Variants in KHK observed in about 807,000 individuals in gnomAD.
The protein encoded by KHK is fructokinase.
A neutral mutation model predicts 36.0 loss-of-function variants in KHK; 37 were observed. The ratio of observed to expected loss-of-function variants is 1.03; its 90% CI spans 0.79 to 1.35. The LOEUF (loss-of-function observed/expected upper bound fraction) is 1.35. KHK is among the 40% of genes most tolerant of loss of function. The probability of loss-of-function intolerance (pLI) is 0.00; values close to 1 mark genes in which losing one functional copy is unlikely to be tolerated. For synonymous variants in KHK, 161 were observed against 162.8 expected, an observed-to-expected ratio of 0.99 and a Z score of 0.08; for missense variants, 395 against 391.9, an observed-to-expected ratio of 1.01 and a Z score of -0.07.
chr2:27,092,494 ATTGTGGGAGAAGAAGGATGTATCCACCCT>A (rs1670078686), intron 2 of KHK, 46 bp downstream of exon 2: 1 of 1,371,070 alleles, frequency 7.3e-7, no homozygotes, highest in Non-Finnish European at 1.0e-6. Context: ...TGCCTGCATC[ATTGTGGGAGAAGAAGGATGTATCCACCCT>A]GGGTGGATGG....
At position 27,087,136 on chromosome 2, in the gene KHK, G is replaced by C; in HGVS notation, c.-124G>C. The C allele has an allele frequency of 1.3e-6, 1 of 771,766 alleles. No homozygotes were observed. The highest frequency in any genetic ancestry group is 1.7e-5 in the African/African-American group (1 of 57,538). The allele number at this position is 771,766 out of a possible 1,614,324, so 47.8% of individuals were successfully genotyped here. On this transcript the variant is annotated 5_prime_UTR_variant, in exon 1 of 8. Transcript: ENST00000260598. ...CCGCTGCAGGTGGCTCCCTGGAGGA[G>C]GAGCTCCCACGCGGAGGAGGAGCCA...
chr2:27,099,392 C>T (rs1670638311), intron 6 of KHK, 28 bp from the exon 7 acceptor site: 5 of 1,612,248 alleles, frequency 3.1e-6, no homozygotes, highest in Non-Finnish European at 4.2e-6. Context: ...GGTGGGCTAA[C>T]ACCCAGCTGA....
intron 1 of KHK, among the ~76,000 whole-genome samples, chr2:27,088,607 C>T (rs1669807269): frequency 6.6e-6 from 1 of 151,874 alleles, no homozygotes; most frequent in Non-Finnish European, 1.5e-5. Flanking sequence ...AGAGACAGGG[C>T]TTTTCTTTGT....
At position 27,092,348 on chromosome 2, in the gene KHK, T is replaced by A. The variant is rs966430858; in HGVS notation, c.109T>A (p.Trp37Arg). The A allele has an allele frequency of 1.2e-6, 2 of 1,612,970 alleles. No individual in the cohort carries two copies. Among genetic ancestry groups the A allele is most frequent in the Non-Finnish European group, 1.7e-6 (2 of 1,179,966 alleles). Residue 37 changes from tryptophan to arginine, a missense_variant, in exon 2 of 8, where the codon TGG becomes AGG. Transcript: ENST00000260598. ...GCTTTGCAGGTGTTTGTCCCAGAGA[T>A]GGCAGCGCGGAGGCAACGCGTCCAA... ...DSEIRCLSQRWQRGGNASNSC... is the reference protein window; with the variant it reads ...DSEIRCLSQRRQRGGNASNSC...
chr2:27,095,514 G>A (rs1462872555), intron 3 of KHK, among the ~76,000 whole-genome samples: 1 of 152,242 alleles, frequency 6.6e-6, no homozygotes, highest in African/African-American at 2.4e-5. Context: ...CAGCAGATCA[G>A]GGTCATCTAA....
intron 1 of KHK, among the ~76,000 whole-genome samples, chr2:27,091,829 G>C (rs1165827944): frequency 6.6e-6 from 1 of 152,156 alleles, no homozygotes; most frequent in East Asian, 1.9e-4. Flanking sequence ...TGTCTTACTC[G>C]TTTGATTTTA....
intron 1 of KHK, among the ~76,000 whole-genome samples, chr2:27,091,794 C>T (rs938578137): frequency 2.0e-5 from 3 of 152,194 alleles, no homozygotes; most frequent in South Asian, 2.1e-4. Context: ...ACTTCTTAAA[C>T]GACCAACGTC....
At position 27,099,302 on chromosome 2, in the gene KHK, G is replaced by C; in HGVS notation, c.653+18G>C. 2 of 1,613,966 alleles carry C rather than the reference G, an allele frequency of 1.2e-6. No individual in the cohort carries two copies. Among genetic ancestry groups the C allele is most frequent in the Non-Finnish European group, 1.7e-6 (2 of 1,179,880 alleles). On this transcript the variant is annotated intron_variant, in intron 6 of 7. Coordinates refer to ENST00000260598, the MANE Select transcript of KHK (RefSeq NM_006488.3). Reference sequence around the variant, plus strand: ...AGGAAAGGGTGAGCCGGGGAAGCCAGGAAGGGGCTTTAGAAGGTACAGGAT... The same window carrying C: ...AGGAAAGGGTGAGCCGGGGAAGCCACGAAGGGGCTTTAGAAGGTACAGGAT...
Position 27,099,541 on chromosome 2 carries a change from A to G in KHK, c.775A>G (p.Thr259Ala). The G allele has an allele frequency of 6.2e-7, 1 of 1,614,120 alleles. No homozygotes were observed. The highest frequency in any genetic ancestry group is 8.5e-7 in the Non-Finnish European group (1 of 1,180,004). The change falls in exon 7 of 8, where the codon ACC becomes GCC. Residue 259 changes from threonine to alanine, a missense_variant. By Grantham distance (58) the Thr-to-Ala change is moderately conservative. Coordinates refer to ENST00000260598, the MANE Select transcript of KHK (RefSeq NM_006488.3). ...RVVDTLGAGDTFNASVIFSLS... is the reference protein window; with the variant it reads ...RVVDTLGAGDAFNASVIFSLS... ...GGTGGATACACTGGGAGCTGGAGAC[A>G]CCTTCAATGCCTCCGTCATCTTCAG...
chr2:27,092,278 C>T, intron 1 of KHK, 54 bp from the exon 2 acceptor site: 1 of 1,355,976 alleles, frequency 7.4e-7, no homozygotes, highest in Non-Finnish European at 1.1e-6. Context: ...ATACAGGAGA[C>T]TGTGCTTGGG....
At position 27,087,199 on chromosome 2, in the gene KHK, G is replaced by C; in HGVS notation, c.-61G>C. ...GCGGGGACACCATCCTCCTGGATAAGAGGCAGAGGCCGGGAGGAACCCCGT... is the reference window on the plus strand; with the variant it reads ...GCGGGGACACCATCCTCCTGGATAACAGGCAGAGGCCGGGAGGAACCCCGT... On this transcript the variant is annotated 5_prime_UTR_variant, in exon 1 of 8. Transcript: ENST00000260598. The C allele has an allele frequency of 7.2e-7, 1 of 1,397,314 alleles. No individual in the cohort carries two copies. Among genetic ancestry groups the C allele is most frequent in the South Asian group, 1.2e-5 (1 of 80,902 alleles). 86.6% of individuals were successfully genotyped at this position (1,397,314 alleles called of 1,614,324 possible). A position where few individuals can be genotyped will look rare whatever the true frequency, so the allele number is the denominator to read the frequency against.
At chr2:27,099,626 C>T (rs918025823) in intron 7 of KHK, 39 bp from the exon 8 acceptor site, 1 of 1,614,126 alleles carries the variant, frequency 6.2e-7, no homozygotes, top group Non-Finnish European at 8.5e-7. Context: ...GTCCCTGCCC[C>T]AAACACCTGG....
intron 1 of KHK, among the ~76,000 whole-genome samples, chr2:27,090,638 A>G (rs1669943701): frequency 6.6e-6 from 1 of 151,594 alleles, no homozygotes; most frequent in East Asian, 2.0e-4. Flanking sequence ...TATTTTTAGT[A>G]GAGACAGGGT....
At position 27,097,646 on chromosome 2, in the gene KHK, C is replaced by A; in HGVS notation, c.561C>A (p.Asp187Glu). ...TCTTCCAGCTGTTTGGCTACGGAGA[C>A]GTGGTGGGTGCCCCATTCAGCCTCT... ...EELFQLFGYG[D>E]VVFVSKDVAK... The change falls in exon 5 of 8, where the codon GAC becomes GAA. Residue 187 changes from aspartate to glutamate, a missense_variant. Transcript: ENST00000260598. 1 of 1,613,988 alleles carries A rather than the reference C, an allele frequency of 6.2e-7. No homozygotes were observed. Among genetic ancestry groups the A allele is most frequent in the Non-Finnish European group, 8.5e-7 (1 of 1,180,020 alleles).
intron 2 of KHK, 45 bp from the exon 3 acceptor site, chr2:27,094,755 A>C (rs749532793): frequency 3.7e-6 from 6 of 1,613,738 alleles, no homozygotes; most frequent in Middle Eastern, 1.6e-4. Flanking sequence ...CCAGGCTCTA[A>C]TCTGTGTCTC....
At chr2:27,099,371 TG>T (rs1307998365) in intron 6 of KHK, 48 bp from the exon 7 acceptor site, 1 of 1,612,156 alleles carries the variant, frequency 6.2e-7, no homozygotes, top group Non-Finnish European at 8.5e-7. Context: ...GGAGGATGGC[TG>T]GGGGGACGGG....
At position 27,092,340 on chromosome 2, in the gene KHK, C is replaced by A. The variant is rs746381366; in HGVS notation, c.101C>A (p.Ser34Tyr). The A allele has an allele frequency of 1.4e-5, 23 of 1,612,720 alleles. No homozygotes were observed. Among genetic ancestry groups the A allele is most frequent in the Non-Finnish European group, 1.9e-5 (22 of 1,179,836 alleles). Residue 34 changes from serine to tyrosine, a missense_variant, in exon 2 of 8, where the codon TCC becomes TAC. Coordinates refer to ENST00000260598, the MANE Select transcript of KHK (RefSeq NM_006488.3). ...CTCCCTGTGCTTTGCAGGTGTTTGTCCCAGAGATGGCAGCGCGGAGGCAAC... is the reference window on the plus strand; with the variant it reads ...CTCCCTGTGCTTTGCAGGTGTTTGTACCAGAGATGGCAGCGCGGAGGCAAC... ...PKEDSEIRCL[S>Y]QRWQRGGNAS...
chr2:27,087,419 G>A (rs1353770930), intron 1 of KHK, 68 bp downstream of exon 1: 5 of 1,263,408 alleles, frequency 4.0e-6, no homozygotes, highest in Middle Eastern at 2.0e-4. Context: ...GCCAGCGACC[G>A]AGGCTGCAGA....
Position 27,087,219 on chromosome 2 carries a change from C to T in KHK, c.-41C>T, listed in dbSNP as rs769898785. The T allele has an allele frequency of 2.6e-6, 4 of 1,521,082 alleles. No individual in the cohort carries two copies. The East Asian group carries it at 9.7e-5, about 37-fold the overall frequency. The allele number at this position is 1,521,082 out of a possible 1,614,324, so 94.2% of individuals were successfully genotyped here. On this transcript the variant is annotated 5_prime_UTR_variant, in exon 1 of 8. Coordinates refer to ENST00000260598, the MANE Select transcript of KHK (RefSeq NM_006488.3). Reference sequence around the variant, plus strand: ...GATAAGAGGCAGAGGCCGGGAGGAACCCCGTCAGCCGGGCGGGCAGGAAGC... The same window carrying T: ...GATAAGAGGCAGAGGCCGGGAGGAATCCCGTCAGCCGGGCGGGCAGGAAGC...
Sources: gnomAD v4.1 joint callset for allele counts (sites outside exome capture counted in the v4.1 genomes callset) on GRCh38, gnomAD v4.1.1 for gene constraint, MANE v1.5 for transcripts, NCBI Gene and HGNC (gene_info 2026-07-23, HGNC 2026-07-21) for gene names.